WASF1: variants seen among roughly 807,000 people sequenced by gnomAD.
WASF1 encodes WASP family member 1, also known as actin-binding protein WASF1.
In WASF1, 7 loss-of-function variants were observed where a neutral mutation model predicts 50.5. That is an observed-to-expected ratio of 0.14 (90% CI 0.08 to 0.26). The LOEUF (loss-of-function observed/expected upper bound fraction) is 0.26. WASF1 is among the 10% of genes least tolerant of loss of function. The probability of loss-of-function intolerance (pLI) is 1.00; values close to 1 mark genes in which losing one functional copy is unlikely to be tolerated. For synonymous variants in WASF1, 205 were observed against 244.0 expected, an observed-to-expected ratio of 0.84 and a Z score of 1.49; for missense variants, 470 against 694.7, an observed-to-expected ratio of 0.68 and a Z score of 3.64.
intron 7 of WASF1, among the ~76,000 whole-genome samples, chr6:110,106,845 C>G (rs1020353040): frequency 6.6e-5 from 10 of 152,150 alleles, no homozygotes; most frequent in Non-Finnish European, 1.5e-4. Flanking sequence ...TATCTAAACC[C>G]TTTATGCATA....
At chr6:110,153,964 GTTTGT>G (rs960317278) in intron 3 of WASF1, among the ~76,000 whole-genome samples, 2 of 152,234 alleles carry the variant, frequency 1.3e-5, no homozygotes, top group African/African-American at 2.4e-5. Context: ...ACATACCTAA[GTTTGT>G]TTTAAGTAGG....
chr6:110,107,483 T>A (rs1304215086), intron 6 of WASF1, among the ~76,000 whole-genome samples: 1 of 152,202 alleles, frequency 6.6e-6, no homozygotes, highest in Non-Finnish European at 1.5e-5. Flanking sequence ...TAAAAAGTCC[T>A]TTGGGCAATT....
intron 3 of WASF1, among the ~76,000 whole-genome samples, chr6:110,143,480 A>G (rs531254422): frequency 6.6e-6 from 1 of 152,082 alleles, no homozygotes; most frequent in African/African-American, 2.4e-5. Flanking sequence ...ACCCAAGATC[A>G]GATGTCATAA....
At chr6:110,115,966 C>T (rs1007522592) in intron 4 of WASF1, among the ~76,000 whole-genome samples, 8 of 152,142 alleles carry the variant, frequency 5.3e-5, no homozygotes, top group Non-Finnish European at 7.4e-5. Flanking sequence ...AATTAGACAG[C>T]ACACCAGAGG....
At chr6:110,139,480 A>C (rs1168734594) in intron 3 of WASF1, among the ~76,000 whole-genome samples, 1 of 152,220 alleles carries the variant, frequency 6.6e-6, no homozygotes, top group Non-Finnish European at 1.5e-5. Flanking sequence ...CTTAACTTTT[A>C]ACTTCAGAGC....
At chr6:110,133,753 A>AT (rs1774811665) in intron 3 of WASF1, among the ~76,000 whole-genome samples, 1 of 151,800 alleles carries the variant, frequency 6.6e-6, no homozygotes, top group African/African-American at 2.4e-5. Flanking sequence ...ATTTGAGTTC[A>AT]TTGTAGATTC....
intron 4 of WASF1, among the ~76,000 whole-genome samples, chr6:110,121,232 C>T (rs919081623): frequency 2.6e-5 from 4 of 152,120 alleles, no homozygotes; most frequent in Admixed American, 2.0e-4. Context: ...AAGCAACTAC[C>T]ATCAGAGTGA....
intron 2 of WASF1, among the ~76,000 whole-genome samples, chr6:110,178,384 C>T (rs1034269838): frequency 4.6e-5 from 7 of 152,044 alleles, no homozygotes; most frequent in African/African-American, 1.7e-4. Context: ...ATGCTATGAA[C>T]AATCAGAAAA....
intron 10 of WASF1, 120 bp downstream of exon 10, chr6:110,101,468 A>T: frequency 6.0e-6 from 8 of 1,333,998 alleles, no homozygotes; most frequent in Non-Finnish European, 7.1e-6. Context: ...TCTAAAGGCC[A>T]TTTGTACACA....
intron 5 of WASF1, among the ~76,000 whole-genome samples, chr6:110,109,174 T>C (rs1773451206): frequency 6.6e-6 from 1 of 151,906 alleles, no homozygotes; most frequent in Non-Finnish European, 1.5e-5. Context: ...TACTCTCAAG[T>C]TAAAACAAAC....
intron 4 of WASF1, among the ~76,000 whole-genome samples, chr6:110,125,384 T>C (rs1774372968): frequency 6.6e-6 from 1 of 152,148 alleles, no homozygotes; most frequent in South Asian, 2.1e-4. Flanking sequence ...GTGAACTACC[T>C]CCTTTTGGTT....
chr6:110,166,189 T>C (rs1448620708), intron 2 of WASF1, among the ~76,000 whole-genome samples: 1 of 151,550 alleles, frequency 6.6e-6, no homozygotes, highest in Non-Finnish European at 1.5e-5. Flanking sequence ...AAACAGTGTC[T>C]TGGATCAGGA....
chr6:110,165,366 A>T (rs1254031804), intron 2 of WASF1, among the ~76,000 whole-genome samples: 2 of 151,718 alleles, frequency 1.3e-5, no homozygotes, highest in African/African-American at 4.8e-5. Context: ...ATCTTAAAAA[A>T]GAAGTTGGAA....
At chr6:110,171,167 G>A (rs1462983120) in intron 2 of WASF1, among the ~76,000 whole-genome samples, 1 of 152,106 alleles carries the variant, frequency 6.6e-6, no homozygotes, top group Non-Finnish European at 1.5e-5. Context: ...CACTGAGACA[G>A]ACTATATTCT....
chr6:110,154,130 C>T (rs1293347692), intron 3 of WASF1, among the ~76,000 whole-genome samples: 5 of 152,018 alleles, frequency 3.3e-5, no homozygotes, highest in Middle Eastern at 3.2e-3. Context: ...ATTTGAATGA[C>T]GGCAAGGAAG....
chr6:110,160,073 A>C (rs1384212898), intron 3 of WASF1, among the ~76,000 whole-genome samples: 1 of 151,916 alleles, frequency 6.6e-6, no homozygotes, highest in Non-Finnish European at 1.5e-5. Flanking sequence ...AATAAGTCTA[A>C]TTTAAAAACA....
chr6:110,150,160 T>C (rs1775760434), intron 3 of WASF1, among the ~76,000 whole-genome samples: 1 of 152,130 alleles, frequency 6.6e-6, no homozygotes, highest in Non-Finnish European at 1.5e-5. Flanking sequence ...CAATAAATAT[T>C]TACAGATTAC....
chr6:110,132,063 TAA>T (rs968217981), intron 3 of WASF1, among the ~76,000 whole-genome samples: 2 of 152,172 alleles, frequency 1.3e-5, no homozygotes, highest in East Asian at 1.9e-4. Flanking sequence ...TCAGGATTTT[TAA>T]AAGTCTCTTA....
At chr6:110,138,049 C>T (rs1034109614) in intron 3 of WASF1, among the ~76,000 whole-genome samples, 2 of 152,218 alleles carry the variant, frequency 1.3e-5, no homozygotes, top group African/African-American at 4.8e-5. Flanking sequence ...TACTACCAGC[C>T]TGGATCCCAC....
Sources: allele counts gnomAD v4.1 joint callset (sites outside exome capture counted in the v4.1 genomes callset), GRCh38; gene constraint gnomAD v4.1.1; transcripts MANE v1.5; gene names NCBI Gene and HGNC (gene_info 2026-07-23, HGNC 2026-07-21).